Variants in TRPC5 observed in about 807,000 individuals in gnomAD.
TRPC5 encodes the protein transient receptor potential cation channel subfamily C member 5.
In TRPC5, 9 loss-of-function variants were observed where a neutral mutation model predicts 56.5. The ratio of observed to expected loss-of-function variants is 0.16; its 90% confidence interval spans 0.10 to 0.28. The LOEUF (loss-of-function observed/expected upper bound fraction) is 0.28, where lower values mean the gene tolerates loss of function less well. TRPC5 is among the 10% of genes least tolerant of loss of function. The probability of loss-of-function intolerance (pLI) is 1.00; values close to 1 mark genes in which losing one functional copy is unlikely to be tolerated. For synonymous variants in TRPC5, 282 were observed against 278.5 expected, an observed-to-expected ratio of 1.01 and a Z score of -0.13; for missense variants, 469 against 748.9, an observed-to-expected ratio of 0.63 and a Z score of 4.36.
At chrX:111,976,455 ATAAG>A in intron 1 of TRPC5, among the ~76,000 whole-genome samples, 1 of 110,966 alleles carries the variant, frequency 9.0e-6, no homozygotes, top group African/African-American at 3.3e-5. Context: ...AAATAATAAA[ATAAG>A]TAAATAAATA....
At chrX:111,782,240 T>A in intron 7 of TRPC5, 102 bp from the exon 8 acceptor site, 1 of 652,806 alleles carries the variant, frequency 1.5e-6, no homozygotes, top group Non-Finnish European at 2.3e-6. Context: ...GGGCAATATG[T>A]CAAGAGCTAT....
chrX:112,013,213 C>T (rs1437790595), intron 1 of TRPC5, among the ~76,000 whole-genome samples: 2 of 111,614 alleles, frequency 1.8e-5, no homozygotes, highest in Non-Finnish European at 3.8e-5. Context: ...TGCAGTGGTG[C>T]TCTCTCAGCT....
At chrX:111,917,572 C>T (rs1346087344) in intron 2 of TRPC5, among the ~76,000 whole-genome samples, 1 of 112,018 alleles carries the variant, frequency 8.9e-6, no homozygotes, top group African/African-American at 3.2e-5. Flanking sequence ...CTTTGAAGTC[C>T]CTACTGGGAA....
At chrX:111,817,721 A>T (rs1048728768) in intron 7 of TRPC5, among the ~76,000 whole-genome samples, 2 of 111,416 alleles carry the variant, frequency 1.8e-5, no homozygotes, top group African/African-American at 6.5e-5. Flanking sequence ...GAGGTTCTGG[A>T]GAGAGAAATT....
At chrX:112,033,047 G>A (rs1418668088) in intron 1 of TRPC5, among the ~76,000 whole-genome samples, 2 of 109,192 alleles carry the variant, frequency 1.8e-5, no homozygotes, top group Non-Finnish European at 3.8e-5. Flanking sequence ...GCCATAAAAA[G>A]GATGAGTTCA....
At chrX:112,064,354 T>C (rs768880943) in intron 1 of TRPC5, among the ~76,000 whole-genome samples, 47 of 112,140 alleles carry the variant, frequency 4.2e-4, no homozygotes, top group African/African-American at 1.5e-3. Context: ...TTAAAATTCT[T>C]CTTTCTTTTT....
intron 3 of TRPC5, among the ~76,000 whole-genome samples, chrX:111,901,246 A>G (rs762145563): frequency 8.9e-6 from 1 of 111,790 alleles, no homozygotes; most frequent in Admixed American, 9.5e-5. Flanking sequence ...CTAATAATTG[A>G]CAGACCCTGC....
At chrX:111,944,168 C>T (rs1926857495) in intron 2 of TRPC5, among the ~76,000 whole-genome samples, 1 of 110,409 alleles carries the variant, frequency 9.1e-6, no homozygotes, top group African/African-American at 3.3e-5. Flanking sequence ...CTGGCTTGCA[C>T]CATTAACGGT....
chrX:111,842,105 G>GTATATATATATATTTTATATATATATGTA (rs1287059903), intron 6 of TRPC5, among the ~76,000 whole-genome samples: 4 of 85,110 alleles, frequency 4.7e-5, no homozygotes, highest in East Asian at 3.0e-4. Context: ...ATGTATGTGT[G>GTATATATATATATTTTATATATATATGTA]TATATATATA....
At chrX:111,944,301 T>TGAGA (rs1166564102) in intron 2 of TRPC5, among the ~76,000 whole-genome samples, 4 of 84,583 alleles carry the variant, frequency 4.7e-5, no homozygotes, top group Admixed American at 1.2e-4. Context: ...TGTGTGTGTG[T>TGAGA]GTGAGAGAGA....
chrX:111,997,277 T>A (rs995738926), intron 1 of TRPC5, among the ~76,000 whole-genome samples: 1 of 111,739 alleles, frequency 8.9e-6, no homozygotes, highest in Admixed American at 9.6e-5. Flanking sequence ...TGGCTGGATA[T>A]GAAATTCTGG....
At chrX:111,935,657 G>A (rs1325214499) in intron 2 of TRPC5, among the ~76,000 whole-genome samples, 1 of 112,014 alleles carries the variant, frequency 8.9e-6, no homozygotes, top group Non-Finnish European at 1.9e-5. Flanking sequence ...TATGGCAAGA[G>A]ATATGGGTCT....
chrX:111,999,395 C>T (rs924296702), intron 1 of TRPC5, among the ~76,000 whole-genome samples: 5 of 111,134 alleles, frequency 4.5e-5, no homozygotes, highest in African/African-American at 6.6e-5. Flanking sequence ...TGGCTTATTT[C>T]GCTTAACATA....
intron 1 of TRPC5, among the ~76,000 whole-genome samples, chrX:112,015,574 C>A (rs185030281): frequency 7.5e-4 from 83 of 111,387 alleles, no homozygotes; most frequent in African/African-American, 2.7e-3. Context: ...TCAGGGATTA[C>A]ACTTTGTAAA....
chrX:111,904,611 C>G (rs1353384323), intron 3 of TRPC5, among the ~76,000 whole-genome samples: 1 of 109,580 alleles, frequency 9.1e-6, no homozygotes, highest in Non-Finnish European at 1.9e-5. Flanking sequence ...GGGAGGGGAG[C>G]AACACACGCT....
At chrX:111,874,191 G>C (rs1439407365) in intron 3 of TRPC5, among the ~76,000 whole-genome samples, 2 of 112,563 alleles carry the variant, frequency 1.8e-5, no homozygotes, top group Non-Finnish European at 3.8e-5. Context: ...TGACTTCAGT[G>C]GTGAGAATCT....
At chrX:112,018,343 A>G (rs1486618933) in intron 1 of TRPC5, among the ~76,000 whole-genome samples, 2 of 112,787 alleles carry the variant, frequency 1.8e-5, no homozygotes, top group African/African-American at 6.4e-5. Context: ...AACTTTGGCT[A>G]AAAGGTTCAT....
At chrX:111,786,661 A>T (rs1161073559) in intron 7 of TRPC5, among the ~76,000 whole-genome samples, 1 of 110,957 alleles carries the variant, frequency 9.0e-6, no homozygotes, top group African/African-American at 3.3e-5. Context: ...TGCTGTATTC[A>T]GGAGACCCAT....
At chrX:111,780,667 T>G (rs1945912407) in intron 9 of TRPC5, among the ~76,000 whole-genome samples, 1 of 111,013 alleles carries the variant, frequency 9.0e-6, no homozygotes, top group Non-Finnish European at 1.9e-5. Flanking sequence ...TCTATTTGCG[T>G]TTGGTTGAAA....
Sources: gnomAD v4.1 joint callset for allele counts (sites outside exome capture counted in the v4.1 genomes callset) on GRCh38, gnomAD v4.1.1 for gene constraint, MANE v1.5 for transcripts, NCBI Gene and HGNC (gene_info 2026-07-23, HGNC 2026-07-21) for gene names.